Variants in RARB observed in about 807,000 individuals in gnomAD.
The protein encoded by RARB is HBV-activated protein.
RARB carries 17 observed loss-of-function variants against 51.9 expected under a neutral mutation model. The observed-to-expected ratio is 0.33, with a 90% CI of 0.22 to 0.49. The LOEUF (loss-of-function observed/expected upper bound fraction) is 0.49, where lower values mean the gene tolerates loss of function less well. Ranked by LOEUF, RARB falls within the 20% of genes least tolerant of loss-of-function variation. RARB has a pLI of 0.99. For missense variants in RARB, 369 were observed against 550.8 expected, an observed-to-expected ratio of 0.67 and a Z score of 3.30; for synonymous variants, 215 against 195.4, an observed-to-expected ratio of 1.10 and a Z score of -0.84.
At chr3:25,516,436 A>T (rs1698163474) in intron 3 of RARB, among the ~76,000 whole-genome samples, 1 of 152,186 alleles carries the variant, frequency 6.6e-6, no homozygotes. Flanking sequence ...TAATTAAAAA[A>T]AGCAAGGTGC....
chr3:25,094,548 C>G, intron 3 of RARB, among the ~76,000 whole-genome samples: 1 of 151,778 alleles, frequency 6.6e-6, no homozygotes, highest in African/African-American at 2.4e-5. Context: ...AAAACCTTGT[C>G]TCTACCAAAA....
chr3:24,920,729 G>C (rs1199917410), intron 2 of RARB, among the ~76,000 whole-genome samples: 1 of 152,114 alleles, frequency 6.6e-6, no homozygotes, highest in Non-Finnish European at 1.5e-5. Context: ...TCTGTCCTCA[G>C]TTCCACAAGT....
intron 7 of RARB, among the ~76,000 whole-genome samples, chr3:25,595,699 T>C (rs1225868707): frequency 3.9e-5 from 6 of 152,218 alleles, no homozygotes. Flanking sequence ...AAGTGTGGCT[T>C]ATGCAACTGA....
chr3:25,594,558 C>A lies in RARB; in HGVS notation c.1030C>A (p.Leu344Ile). 1 of 1,613,300 alleles carries A rather than the reference C, an allele frequency of 6.2e-7. No homozygotes were observed. The highest frequency in any genetic ancestry group is 8.5e-7 in the Non-Finnish European group (1 of 1,179,716). ...TGAGGAACCGACAAAAGTAGATAAG[C>A]TACAAGAACCATTGCTGGAAGCACT... ...DLEEPTKVDK[L>I]QEPLLEALKI... Residue 344 changes from leucine (L) to isoleucine (I), a missense_variant, in exon 7 of 8, where the codon CTA (leucine) becomes ATA (isoleucine). This residue lies in a region of RARB where 76 missense variants were observed against 153.3 expected (regional missense o/e 0.50). Transcript: ENST00000330688.
At chr3:24,943,064 T>A (rs1695701644) in intron 2 of RARB, among the ~76,000 whole-genome samples, 1 of 152,218 alleles carries the variant, frequency 6.6e-6, no homozygotes, top group African/African-American at 2.4e-5. Context: ...GTGGATTCTG[T>A]GGCATAGTCC....
At chr3:25,557,134 C>T (rs1167904262) in intron 3 of RARB, among the ~76,000 whole-genome samples, 1 of 131,670 alleles carries the variant, frequency 7.6e-6, no homozygotes, top group Non-Finnish European at 1.6e-5. Context: ...CATGGCATTG[C>T]ATTCACACAC....
intron 3 of RARB, among the ~76,000 whole-genome samples, chr3:25,099,442 T>C (rs1699357649): frequency 6.6e-6 from 1 of 152,134 alleles, no homozygotes; most frequent in South Asian, 2.1e-4. Flanking sequence ...TCATTTATAA[T>C]GTCTTAGAAA....
chr3:25,119,886 T>A (rs1333240279), intron 3 of RARB, among the ~76,000 whole-genome samples: 2 of 151,868 alleles, frequency 1.3e-5, no homozygotes, highest in Non-Finnish European at 2.9e-5. Flanking sequence ...AGTAGATAAG[T>A]GAGATAACAT....
At chr3:25,317,960 C>G (rs114741101) in intron 5 of RARB, among the ~76,000 whole-genome samples, 1,819 of 152,120 alleles carry the variant, frequency 0.012, 38 homozygotes, top group African/African-American at 0.041. Context: ...TGAAGCTTTC[C>G]CAGACACTGC....
At chr3:25,178,418 A>G (rs1382129767) in intron 5 of RARB, among the ~76,000 whole-genome samples, 2 of 152,068 alleles carry the variant, frequency 1.3e-5, no homozygotes, top group African/African-American at 2.4e-5. Context: ...CCTCGATGTC[A>G]CTGCCATTCC....
chr3:25,396,749 G>T (rs1322883529), intron 5 of RARB, among the ~76,000 whole-genome samples: 2 of 152,096 alleles, frequency 1.3e-5, no homozygotes, highest in African/African-American at 4.8e-5. Flanking sequence ...CAGGCCCATG[G>T]AGTTATGTTC....
intron 1 of RARB, chr3:25,441,198 T>C (rs988516747): frequency 1.2e-5 from 3 of 246,084 alleles, no homozygotes; most frequent in Admixed American, 5.0e-5. Flanking sequence ...ACGTTTGATA[T>C]GGATAACACA....
chr3:25,216,637 C>T (rs891053633), intron 5 of RARB, among the ~76,000 whole-genome samples: 6 of 150,606 alleles, frequency 4.0e-5, no homozygotes, highest in Admixed American at 1.3e-4. Flanking sequence ...GTAGGTGCAG[C>T]GAAGCACCAT....
At chr3:25,059,779 C>T (rs4858696) in intron 2 of RARB, among the ~76,000 whole-genome samples, 76,410 of 151,260 alleles carry the variant, frequency 0.51, 19,882 homozygotes, top group East Asian at 0.6. Context: ...AAATCAGGGC[C>T]GAGGATTCTT....
In RARB at chr3:25,033,629, A is replaced by C. The variant is rs141808443; in HGVS notation, c.-379-26496A>C. Among the ~76,000 whole-genome samples, 802 of 152,310 alleles carry C rather than the reference A, an allele frequency of 5.3e-3. 3 individuals are homozygous for C. Among genetic ancestry groups the C allele is most frequent in the Non-Finnish European group, 7.9e-3 (535 of 68,028 alleles). The stretch of plus-strand genomic sequence containing the variant: ...TCAAGAAGAGCTCCCCCTGGAGGAC[A>C]GCAAGGTCAAGCCAGACCCACATCC... On this transcript the variant is annotated intron_variant, in intron 2 of 11. Coordinates refer to the RARB transcript ENST00000383772.
At chr3:25,232,581 T>A (rs1230758014) in intron 5 of RARB, among the ~76,000 whole-genome samples, 1 of 152,174 alleles carries the variant, frequency 6.6e-6, no homozygotes, top group East Asian at 1.9e-4. Flanking sequence ...ACACATCCAG[T>A]CCATATATTT....
chr3:25,437,223 G>A (rs1040446736), intron 1 of RARB, among the ~76,000 whole-genome samples: 1 of 148,274 alleles, frequency 6.7e-6, no homozygotes, highest in Admixed American at 6.9e-5. Context: ...CTTTCTGTTT[G>A]TCAGGTAGCA....
intron 4 of RARB, among the ~76,000 whole-genome samples, chr3:25,173,394 A>AT (rs1700680703): frequency 6.6e-6 from 1 of 152,222 alleles, no homozygotes; most frequent in Non-Finnish European, 1.5e-5. Context: ...TGATTGGTGA[A>AT]TAGGTGACTG....
chr3:25,385,591 T>C (rs1442131943), intron 5 of RARB, among the ~76,000 whole-genome samples: 1 of 152,136 alleles, frequency 6.6e-6, no homozygotes, highest in Non-Finnish European at 1.5e-5. Flanking sequence ...GACCTTCAGA[T>C]TAAAGCAAAG....
Sources: allele counts gnomAD v4.1 joint callset (sites outside exome capture counted in the v4.1 genomes callset), GRCh38; gene constraint gnomAD v4.1.1; regional missense constraint gnomAD v4.1.1; transcripts MANE v1.5; gene names NCBI Gene and HGNC (gene_info 2026-07-23, HGNC 2026-07-21).